The following CUX1 variants were observed in gnomAD, a reference collection of about 807,000 sequenced individuals.
CUX1 encodes the protein protein CASP.
A neutral mutation model predicts 158.8 loss-of-function variants in CUX1; 31 were observed. The ratio of observed to expected loss-of-function variants is 0.20; its 90% confidence interval spans 0.15 to 0.26. The LOEUF (loss-of-function observed/expected upper bound fraction) is 0.26, where lower values mean the gene tolerates loss of function less well. Among genes scored for constraint, CUX1 ranks in the 10% least tolerant of loss-of-function variants. The pLI, the probability that CUX1 is intolerant of heterozygous loss-of-function variation, is 1.00. For missense variants in CUX1, 1,589 were observed against 2,014.6 expected (o/e 0.79, Z 4.04); for synonymous variants, 879 against 862.1 (o/e 1.02, Z -0.34).
chr7:101,825,571 C>T lies in CUX1; in HGVS notation c.30+7902C>T, dbSNP rs537854761. 5.5e-4 allele frequency among the ~76,000 whole-genome samples: 83 copies of T among 152,222 alleles called. 1 individual carries two copies. Among genetic ancestry groups the T allele is most frequent in the Middle Eastern group, 3.4e-3 (1 of 294 alleles). On this transcript the variant is annotated intron_variant, in intron 1 of 23. Coordinates refer to ENST00000292535, the MANE Select transcript of CUX1 (RefSeq NM_181552.4). ...TCCACCTGGTCCTCAGCCCTGGTCC[C>T]GCAGTTTGTCATCCCGCAGTTTGTC...
chr7:102,198,567 C>T (rs746806727), intron 15 of CUX1, among the ~76,000 whole-genome samples: 1 of 152,216 alleles, frequency 6.6e-6, no homozygotes, highest in African/African-American at 2.4e-5. Flanking sequence ...GCCTCAATGC[C>T]GTAGGTCGCT....
At chr7:101,921,425 CTA>C (rs562077179) in intron 2 of CUX1, among the ~76,000 whole-genome samples, 15 of 147,598 alleles carry the variant, frequency 1.0e-4, no homozygotes, top group African/African-American at 3.7e-4. Context: ...TGGGGAATTT[CTA>C]TGTTTTATTT....
rs1194041536 is a variant in CUX1, at chr7:101,869,969, C to T, written c.31-46146C>T. ...ACCCTTGGGAAGGCGGCTCCTCGTG[C>T]CCCCCCTCTTGTGCCTTCCCTCCCC... On this transcript the variant is annotated intron_variant, in intron 1 of 23. Coordinates refer to ENST00000292535, the MANE Select transcript of CUX1 (RefSeq NM_181552.4). This position sits in a 1 kb window ranked among gnomAD's most constrained non-coding sequence, Gnocchi z 4.5. Among the ~76,000 whole-genome samples, 1 of 151,654 alleles carries T rather than the reference C, an allele frequency of 6.6e-6. No homozygotes were observed.
rs1280255433 is a variant in CUX1, at chr7:101,869,152, T to C, written c.31-46963T>C. Among the ~76,000 whole-genome samples the C allele has an allele frequency of 6.6e-6, 1 of 151,356 alleles. No homozygotes were observed. Among genetic ancestry groups the C allele is most frequent in the Non-Finnish European group, 1.5e-5 (1 of 67,814 alleles). ...GGAGTGGGAGTCATTCCACCTGGGA[T>C]GTGGGAATGGCTGGTGGGGGCAGGT... On this transcript the variant is annotated intron_variant, in intron 1 of 23. Coordinates refer to ENST00000292535, the MANE Select transcript of CUX1 (RefSeq NM_181552.4). The surrounding 1 kb of genome is among the most constrained non-coding windows in gnomAD (Gnocchi z 4.5).
intron 4 of CUX1, among the ~76,000 whole-genome samples, chr7:102,086,648 C>T (rs1188968657): frequency 2.6e-5 from 4 of 151,210 alleles, no homozygotes; most frequent in East Asian, 3.9e-4. Flanking sequence ...CTCGCTCTGT[C>T]GCCCAGAGTT....
At chr7:101,824,594 AG>A (rs1793049840) in intron 1 of CUX1, 1 of 152,250 alleles carries the variant, frequency 6.6e-6, no homozygotes, top group East Asian at 1.9e-4. Flanking sequence ...CGTGGGCTGC[AG>A]TGAGGGAAGG....
chr7:101,895,908 GT>G (rs869038068), intron 1 of CUX1, among the ~76,000 whole-genome samples: 5 of 93,998 alleles, frequency 5.3e-5, no homozygotes, highest in Non-Finnish European at 1.1e-4. Context: ...TTTTGTTTTT[GT>G]TTTTTTTTTT....
chr7:102,104,646 C>T (rs1280198619), intron 6 of CUX1, among the ~76,000 whole-genome samples, 187 bp downstream of exon 6: 2 of 152,168 alleles, frequency 1.3e-5, no homozygotes. Context: ...AATCTCAGCA[C>T]TTTGGGAGGC....
At chr7:101,901,613 C>T (rs1170280645) in intron 1 of CUX1, among the ~76,000 whole-genome samples, 2 of 152,284 alleles carry the variant, frequency 1.3e-5, no homozygotes, top group South Asian at 2.1e-4. Flanking sequence ...TATTTTAATT[C>T]TGCAAGTTAT....
intron 1 of CUX1, among the ~76,000 whole-genome samples, chr7:101,878,766 A>C (rs1342614802): frequency 3.3e-5 from 5 of 151,904 alleles, no homozygotes; most frequent in African/African-American, 1.2e-4. Context: ...TCCGCCTCCC[A>C]GGCTCACACA....
intron 1 of CUX1, among the ~76,000 whole-genome samples, chr7:101,905,983 C>T (rs1349312795): frequency 2.0e-5 from 3 of 151,866 alleles, no homozygotes; most frequent in Non-Finnish European, 4.4e-5. Flanking sequence ...CCACCATGCC[C>T]AGCTAACTTT....
At chr7:101,933,358 T>C (rs1806507325) in intron 2 of CUX1, among the ~76,000 whole-genome samples, 1 of 152,192 alleles carries the variant, frequency 6.6e-6, no homozygotes, top group African/African-American at 2.4e-5. Context: ...TTATACTAAG[T>C]GGACATTTTC....
chr7:102,152,338 A>AG lies in CUX1; in HGVS notation c.675-6221dup, dbSNP rs1181709885. On this transcript the variant is annotated intron_variant, in intron 8 of 23. Transcript: ENST00000292535. ...ACCACTGCACTCCATCCTGGGCAAC[A>AG]GAACCAGACCCTGTATCAAAAATAA... 2.6e-5 allele frequency among the ~76,000 whole-genome samples: 4 copies of AG among 152,336 alleles called. No homozygotes were observed. In the Middle Eastern group the frequency reaches 0.01, roughly 389 times the overall value.
rs1179159375 is a variant in CUX1 at position 102,254,605 on chromosome 7, T to A, written c.*5563T>A. Reference sequence around the variant, plus strand: ...TGGAGACAGTTTGCAAGTAAGAACCTAAGGATGGGGACAGCATCCTGTGCT... The same window carrying A: ...TGGAGACAGTTTGCAAGTAAGAACCAAAGGATGGGGACAGCATCCTGTGCT... On this transcript the variant is annotated 3_prime_UTR_variant, in exon 24 of 24. Transcript: ENST00000292535. 1 of 985,306 alleles carries A rather than the reference T, an allele frequency of 1.0e-6. No individual in the cohort carries two copies. The highest frequency in any genetic ancestry group is 1.1e-4 in the East Asian group (1 of 8,824). The allele number at this position is 985,306 out of a possible 1,614,324, so 61.0% of individuals were successfully genotyped here. A position where few individuals can be genotyped will look rare whatever the true frequency, so the allele number is the denominator to read the frequency against.
At chr7:102,109,708 C>G (rs1419034216) in intron 6 of CUX1, among the ~76,000 whole-genome samples, 3 of 151,648 alleles carry the variant, frequency 2.0e-5, no homozygotes, top group African/African-American at 7.3e-5. Flanking sequence ...TGCTCGAACC[C>G]TGGAGCAGAT....
chr7:102,097,999 C>G lies in CUX1; in HGVS notation c.406+498C>G, dbSNP rs1829377013. On this transcript the variant is annotated intron_variant, in intron 5 of 23. Transcript: ENST00000292535. ...GGAATTTAATGAAAGAAAACAACCT[C>G]TTGGTGTGTTTGCCCAGCCGTCAAC... is the stretch of plus-strand genomic sequence containing the variant. 2.0e-5 allele frequency among the ~76,000 whole-genome samples: 3 copies of G among 152,348 alleles called. No individual in the cohort carries two copies. In the South Asian group the frequency reaches 6.2e-4, roughly 32 times the overall value.
chr7:102,270,931 G>A (rs1554546117), intron 14 of CUX1, among the ~76,000 whole-genome samples: 1 of 152,146 alleles, frequency 6.6e-6, no homozygotes, highest in Non-Finnish European at 1.5e-5. Context: ...CGGGGACCAG[G>A]CCCACGCACC....
chr7:101,887,604 C>T (rs562237029), intron 1 of CUX1, among the ~76,000 whole-genome samples: 100 of 152,236 alleles, frequency 6.6e-4, no homozygotes, highest in Admixed American at 2.2e-3. Context: ...CCACTGCACC[C>T]GGCCATGTCC....
chr7:102,016,712 T>C (rs1818635359), intron 2 of CUX1, among the ~76,000 whole-genome samples: 1 of 152,240 alleles, frequency 6.6e-6, no homozygotes, highest in African/African-American at 2.4e-5. Flanking sequence ...TTGTTCCCAG[T>C]TGTTCTCTGT....
Sources: allele counts gnomAD v4.1 joint callset (sites outside exome capture counted in the v4.1 genomes callset), GRCh38; gene constraint gnomAD v4.1.1; non-coding constraint Gnocchi (gnomAD v3.1); transcripts MANE v1.5; gene names NCBI Gene and HGNC (gene_info 2026-07-23, HGNC 2026-07-21).